The following GSDMC variants were observed in gnomAD, a reference collection of about 807,000 sequenced individuals.
GSDMC encodes gasdermin-C.
A neutral mutation model predicts 58.0 loss-of-function variants in GSDMC; 59 were observed. The ratio of observed to expected loss-of-function variants is 1.02; its 90% CI spans 0.82 to 1.26. The LOEUF (loss-of-function observed/expected upper bound fraction) is 1.26, where lower values mean the gene tolerates loss of function less well. Among genes scored for constraint, GSDMC ranks in the 50% most tolerant of loss-of-function variants. The pLI is 0.00. For synonymous variants in GSDMC, 241 were observed against 220.2 expected (o/e 1.09, Z -0.83); for missense variants, 659 against 598.5 (o/e 1.10, Z -1.06).
the GSDMC span, among the ~76,000 whole-genome samples, chr8:129,718,034 C>A: frequency 0.37 from 56,294 of 151,982 alleles, 14,109 homozygotes; most frequent in East Asian, 0.71. Context: ...AAGATAGATT[C>A]AAAACTTAAA....
chr8:129,783,302 T>G (rs1217211619), intron 1 of GSDMC, among the ~76,000 whole-genome samples: 1 of 152,058 alleles, frequency 6.6e-6, no homozygotes, highest in Non-Finnish European at 1.5e-5. Context: ...GAAGTCAAAT[T>G]GTCCTTGTTT....
At chr8:129,722,845 T>C in the GSDMC span, 2 of 152,250 alleles carry the variant, frequency 1.3e-5, no homozygotes, top group African/African-American at 4.8e-5. Flanking sequence ...TCTAGTCATA[T>C]GTTTTTGTTT....
the GSDMC span, among the ~76,000 whole-genome samples, chr8:129,723,419 C>CTT: frequency 2.9e-4 from 39 of 133,378 alleles, no homozygotes; most frequent in Middle Eastern, 4.2e-3. Flanking sequence ...TTTTCTTCTC[C>CTT]TTTTTTTTTT....
intron 3 of GSDMC, among the ~76,000 whole-genome samples, chr8:129,769,252 T>C (rs11984716): frequency 1.3e-5 from 2 of 151,814 alleles, no homozygotes. Context: ...AAGTCAAAGA[T>C]AAAGAGAAAA....
downstream of GSDMC, among the ~76,000 whole-genome samples, chr8:129,745,582 T>A (rs2032941887): frequency 6.6e-6 from 1 of 152,130 alleles, no homozygotes; most frequent in East Asian, 1.9e-4. Flanking sequence ...ATATACTATA[T>A]AATACATTTA....
chr8:129,722,883 G>A, the GSDMC span: 3 of 152,224 alleles, frequency 2.0e-5, no homozygotes, highest in South Asian at 4.2e-4. Context: ...TGAGAATTAA[G>A]CTGATTTGAA....
intron 3 of GSDMC, among the ~76,000 whole-genome samples, chr8:129,775,516 CA>C (rs138111293): frequency 6.6e-6 from 1 of 151,434 alleles, no homozygotes; most frequent in Non-Finnish European, 1.5e-5. Context: ...GTTCTCACCA[CA>C]AAAAAAATGA....
chr8:129,755,255 T>C (rs1207848174), intron 6 of GSDMC, among the ~76,000 whole-genome samples: 1 of 152,110 alleles, frequency 6.6e-6, no homozygotes, highest in Non-Finnish European at 1.5e-5. Context: ...GGAGTTGCAA[T>C]ATGTCTGGCA....
chr8:129,766,100 G>A (rs2033849188), intron 3 of GSDMC, among the ~76,000 whole-genome samples: 1 of 151,820 alleles, frequency 6.6e-6, no homozygotes, highest in Non-Finnish European at 1.5e-5. Context: ...GGGTCTCTCA[G>A]AAAAAAAAGG....
the GSDMC span, among the ~76,000 whole-genome samples, chr8:129,735,118 T>C: frequency 6.6e-6 from 1 of 152,186 alleles, no homozygotes; most frequent in Non-Finnish European, 1.5e-5. Flanking sequence ...ATCCTAAATA[T>C]ATATGCACCC....
intron 3 of GSDMC, among the ~76,000 whole-genome samples, chr8:129,770,727 GA>G (rs1395474095): frequency 6.6e-6 from 1 of 151,448 alleles, no homozygotes; most frequent in African/African-American, 2.4e-5. Flanking sequence ...AAGAAGGAAA[GA>G]AAAAAACTAT....
At chr8:129,779,855 T>G (rs1020012397) in intron 1 of GSDMC, among the ~76,000 whole-genome samples, 2 of 152,100 alleles carry the variant, frequency 1.3e-5, no homozygotes, top group South Asian at 4.1e-4. Context: ...ATAGCTGTTT[T>G]GAGGACACTC....
chr8:129,733,224 C>CT, the GSDMC span, among the ~76,000 whole-genome samples: 4 of 127,980 alleles, frequency 3.1e-5, no homozygotes, highest in African/African-American at 1.7e-4. Context: ...GATTCCACCT[C>CT]TGGGGGCAGG....
downstream of GSDMC, among the ~76,000 whole-genome samples, chr8:129,744,749 A>T (rs1413899967): frequency 6.6e-6 from 1 of 152,216 alleles, no homozygotes; most frequent in Non-Finnish European, 1.5e-5. Flanking sequence ...TGGTTTCTGG[A>T]TATTAACTCA....
At chr8:129,779,819 G>A (rs2034355189) in intron 1 of GSDMC, among the ~76,000 whole-genome samples, 1 of 151,968 alleles carries the variant, frequency 6.6e-6, no homozygotes, top group African/African-American at 2.4e-5. Context: ...ACAGAAATAT[G>A]TAATCATTCA....
At chr8:129,745,471 C>A (rs2032939861), downstream of GSDMC, among the ~76,000 whole-genome samples, 1 of 152,192 alleles carries the variant, frequency 6.6e-6, no homozygotes, top group East Asian at 1.9e-4. Context: ...TCTATAGTGT[C>A]TGTGCTCAAA....
chr8:129,733,664 A>G, the GSDMC span, among the ~76,000 whole-genome samples: 2 of 152,232 alleles, frequency 1.3e-5, no homozygotes, highest in South Asian at 4.1e-4. Context: ...CCCCATCTGT[A>G]GGCTGCCAAC....
At chr8:129,760,477 A>G in intron 6 of GSDMC, 68 bp downstream of exon 6, 2 of 860,616 alleles carry the variant, frequency 2.3e-6, no homozygotes, top group Non-Finnish European at 3.8e-6. Flanking sequence ...CATGTACCTT[A>G]TAAATATACA....
At chr8:129,759,902 G>A (rs1482592727) in intron 6 of GSDMC, among the ~76,000 whole-genome samples, 1 of 152,042 alleles carries the variant, frequency 6.6e-6, no homozygotes, top group African/African-American at 2.4e-5. Flanking sequence ...ACCAAAGAGA[G>A]ATTTAAGAAC....
Sources: allele counts gnomAD v4.1 joint callset (sites outside exome capture counted in the v4.1 genomes callset), GRCh38; gene constraint gnomAD v4.1.1; transcripts MANE v1.5; gene names NCBI Gene and HGNC (gene_info 2026-07-23, HGNC 2026-07-21).